Variants in TNKS observed in about 807,000 individuals in gnomAD.
The protein encoded by TNKS is poly [ADP-ribose] polymerase tankyrase-1.
TNKS carries 72 observed loss-of-function variants against 135.8 expected under a neutral mutation model. The ratio of observed to expected loss-of-function variants is 0.53; its 90% CI spans 0.44 to 0.64. The LOEUF (loss-of-function observed/expected upper bound fraction) is 0.64. Among genes scored for constraint, TNKS ranks in the 30% least tolerant of loss-of-function variants. TNKS has a pLI of 0.00. For missense variants in TNKS, 1,769 were observed against 1,674.0 expected (o/e 1.06, Z -0.99); for synonymous variants, 849 against 649.3 (o/e 1.31, Z -4.68).
At chr8:9,761,699 T>C (rs1414809494) in intron 21 of TNKS, 63 bp downstream of exon 21, 2 of 1,535,706 alleles carry the variant, frequency 1.3e-6, no homozygotes, top group East Asian at 4.6e-5. Context: ...GTATTGGGGC[T>C]GATAATTGAA....
intron 1 of TNKS, among the ~76,000 whole-genome samples, chr8:9,569,501 CTT>C (rs1245909482): frequency 6.6e-6 from 1 of 152,130 alleles, no homozygotes; most frequent in Non-Finnish European, 1.5e-5. Context: ...ATTCATCTAT[CTT>C]ATATAGTTGT....
chr8:9,611,040 A>C (rs1799441187), intron 2 of TNKS, among the ~76,000 whole-genome samples: 1 of 152,250 alleles, frequency 6.6e-6, no homozygotes, highest in Non-Finnish European at 1.5e-5. Context: ...CCTGTACCAG[A>C]AATGGGAAAA....
Position 9,734,929 on chromosome 8 carries a change from G to A in TNKS, c.2378G>A (p.Gly793Glu), listed in dbSNP as rs1805618898. 2 of 1,614,028 alleles carry A rather than the reference G, an allele frequency of 1.2e-6. No individual in the cohort carries two copies. Among genetic ancestry groups the A allele is most frequent in the Non-Finnish European group, 1.7e-6 (2 of 1,180,032 alleles). The change falls in exon 16 of 27, where the codon GGA (glycine) becomes GAA (glutamate). Residue 793 changes from glycine to glutamate, a missense_variant. Physicochemically the swap from Gly to Glu is moderately conservative, Grantham distance 98 (BLOSUM62 -2). Coordinates refer to ENST00000310430, the MANE Select transcript of TNKS (RefSeq NM_003747.3). ...GNTPLDLVKE[G>E]DTDIQDLLRG... ...ACACCTTTGGATTTGGTAAAGGAAG[G>A]AGACACAGATATTCAGGACTTACTG...
In TNKS at chr8:9,747,332, C is replaced by T. The variant is rs186498499; in HGVS notation, c.2644-692C>T. 4.8e-5 allele frequency among the ~76,000 whole-genome samples: 7 copies of T among 145,982 alleles called. No homozygotes were observed. The East Asian group carries it at 1.3e-3, about 26-fold the overall frequency. On this transcript the variant is annotated intron_variant, in intron 17 of 26. Coordinates refer to ENST00000310430, the MANE Select transcript of TNKS (RefSeq NM_003747.3). The stretch of plus-strand genomic sequence containing the variant: ...TTCTGTTGTGAATTTGGCTTTTAAA[C>T]ACAATTTTTTTTCTTTCAAAATTTC...
At chr8:9,602,691 A>C (rs937001416) in intron 2 of TNKS, among the ~76,000 whole-genome samples, 1 of 152,204 alleles carries the variant, frequency 6.6e-6, no homozygotes, top group Non-Finnish European at 1.5e-5. Flanking sequence ...GTTCATTAGC[A>C]ATGTAATGCC....
intron 2 of TNKS, among the ~76,000 whole-genome samples, chr8:9,583,205 C>A (rs1416195330): frequency 1.4e-5 from 2 of 147,970 alleles, no homozygotes; most frequent in Admixed American, 6.7e-5. Flanking sequence ...AAATCTTGAA[C>A]CCATGTGTTT....
chr8:9,681,024 A>C, intron 5 of TNKS: 1 of 376,804 alleles, frequency 2.7e-6, no homozygotes, highest in East Asian at 4.0e-5. Flanking sequence ...TGTCAGACAC[A>C]GCAAGTTATT....
At chr8:9,659,328 G>T (rs947234817) in intron 3 of TNKS, among the ~76,000 whole-genome samples, 1 of 152,082 alleles carries the variant, frequency 6.6e-6, no homozygotes, top group Non-Finnish European at 1.5e-5. Flanking sequence ...TGACCACATA[G>T]TTGGAAGTAA....
chr8:9,766,557 G>T, intron 25 of TNKS, 132 bp downstream of exon 25: 1 of 766,538 alleles, frequency 1.3e-6, no homozygotes. Flanking sequence ...CACGATCCTG[G>T]CTCACGCAAC....
At chr8:9,708,742 A>C (rs552865309) in intron 9 of TNKS, among the ~76,000 whole-genome samples, 259 of 152,272 alleles carry the variant, frequency 1.7e-3, no homozygotes, top group African/African-American at 6.2e-3. Context: ...TCATTATAAC[A>C]AATCCACTTT....
chr8:9,594,163 A>G (rs1159520782), intron 2 of TNKS, among the ~76,000 whole-genome samples: 1 of 152,216 alleles, frequency 6.6e-6, no homozygotes, highest in Non-Finnish European at 1.5e-5. Context: ...CTAGGATTAC[A>G]GGCATGAGCC....
At chr8:9,672,849 G>T (rs897063247) in intron 3 of TNKS, among the ~76,000 whole-genome samples, 1 of 151,966 alleles carries the variant, frequency 6.6e-6, no homozygotes, top group Non-Finnish European at 1.5e-5. Flanking sequence ...GCCATGCTTA[G>T]AGAGTTCCCT....
rs560139871 is a variant in TNKS at position 9,608,171 on chromosome 8, G to A, written c.899-7411G>A. Among the ~76,000 whole-genome samples the A allele has an allele frequency of 2.0e-5, 3 of 152,152 alleles. No individual in the cohort carries two copies. The South Asian group carries it at 6.2e-4, about 32-fold the overall frequency. ...GCCCAGGCTGGTCTTAAACTCCTAG[G>A]CTTAAGCAATTCTTCCACCTCAGCC... is the stretch of plus-strand genomic sequence containing the variant. On this transcript the variant is annotated intron_variant, in intron 2 of 26. Transcript: ENST00000310430.
Position 9,615,675 on chromosome 8 carries a change from C to T in TNKS, c.992C>T (p.Thr331Ile). 1 of 1,609,900 alleles carries T rather than the reference C, an allele frequency of 6.2e-7. No individual in the cohort carries two copies. The highest frequency in any genetic ancestry group is 8.5e-7 in the Non-Finnish European group (1 of 1,177,512). ...LADPSAKAVL[T>I]GEYKKDELLE... ...GATCCTTCAGCAAAAGCTGTCCTTA[C>T]AGGTAAGAAGACAGAGAGCTACCGA... is the stretch of plus-strand genomic sequence containing the variant. The change falls in exon 3 of 27, where the codon ACA (threonine) becomes ATA (isoleucine). Residue 331 changes from threonine (T) to isoleucine (I), a missense_variant and splice_region_variant. Coordinates refer to ENST00000310430, the MANE Select transcript of TNKS (RefSeq NM_003747.3).
chr8:9,743,002 T>C (rs985097729), intron 17 of TNKS, among the ~76,000 whole-genome samples: 24 of 152,186 alleles, frequency 1.6e-4, no homozygotes, highest in Admixed American at 7.2e-4. Flanking sequence ...CATTCTATCC[T>C]GCCTTGGCTG....
chr8:9,663,768 G>T (rs1801847447), intron 3 of TNKS, among the ~76,000 whole-genome samples: 1 of 152,214 alleles, frequency 6.6e-6, no homozygotes, highest in Non-Finnish European at 1.5e-5. Flanking sequence ...AAAGGCTGCA[G>T]ATGAATGGCC....
At chr8:9,703,838 A>G (rs1003215319) in intron 5 of TNKS, among the ~76,000 whole-genome samples, 5 of 152,206 alleles carry the variant, frequency 3.3e-5, no homozygotes, top group African/African-American at 1.2e-4. Flanking sequence ...CAAAGGTGGA[A>G]AATTGCTATG....
chr8:9,716,179 C>T (rs1804590636), intron 11 of TNKS, among the ~76,000 whole-genome samples: 1 of 152,120 alleles, frequency 6.6e-6, no homozygotes, highest in Admixed American at 6.6e-5. Context: ...TAATAATTGA[C>T]ATTTAATAGG....
intron 5 of TNKS, among the ~76,000 whole-genome samples, chr8:9,699,528 TTTTA>T (rs1803696399): frequency 6.6e-6 from 1 of 152,238 alleles, no homozygotes; most frequent in Admixed American, 6.5e-5. Context: ...ATTGCATGCA[TTTTA>T]TTTATTTCTA....
Sources: gnomAD v4.1 joint callset for allele counts (sites outside exome capture counted in the v4.1 genomes callset) on GRCh38, gnomAD v4.1.1 for gene constraint, MANE v1.5 for transcripts, NCBI Gene and HGNC (gene_info 2026-07-23, HGNC 2026-07-21) for gene names.